KCNN1: variants seen among roughly 807,000 people sequenced by gnomAD.
KCNN1 encodes small conductance calcium-activated potassium channel protein 1.
KCNN1 carries 20 observed loss-of-function variants against 44.7 expected under a neutral mutation model. The ratio of observed to expected loss-of-function variants is 0.45; its 90% CI spans 0.32 to 0.65. The LOEUF (loss-of-function observed/expected upper bound fraction) is 0.65. Ranked by LOEUF, KCNN1 falls within the 30% of genes least tolerant of loss-of-function variation. KCNN1 has a pLI of 0.05. For missense variants in KCNN1, 632 were observed against 785.3 expected (o/e 0.80, Z 2.33); for synonymous variants, 324 against 341.7 (o/e 0.95, Z 0.57).
At chr19:17,985,694 C>T (rs564272854) in intron 5 of KCNN1, among the ~76,000 whole-genome samples, 1 of 152,308 alleles carries the variant, frequency 6.6e-6, no homozygotes, top group South Asian at 2.1e-4. Flanking sequence ...CCTAGATATG[C>T]AGCTCCCACC....
intron 5 of KCNN1, among the ~76,000 whole-genome samples, 173 bp downstream of exon 5, chr19:17,985,626 G>C (rs540798506): frequency 6.6e-6 from 1 of 152,094 alleles, no homozygotes; most frequent in South Asian, 2.1e-4. Context: ...TTCCTCTGAC[G>C]TCACGTGGAA....
chr19:17,988,627 A>G (rs2145962920), intron 6 of KCNN1, 102 bp downstream of exon 6: 1 of 845,900 alleles, frequency 1.2e-6, no homozygotes, highest in Non-Finnish European at 1.9e-6. Flanking sequence ...TCATGTGCCC[A>G]TGGGTTACCA....
chr19:17,994,842 C>A (rs1049337093), intron 9 of KCNN1, among the ~76,000 whole-genome samples: 1 of 152,106 alleles, frequency 6.6e-6, no homozygotes, highest in East Asian at 1.9e-4. Context: ...CCGTGCCCAG[C>A]CCATTTCCCA....
intron 2 of KCNN1, among the ~76,000 whole-genome samples, chr19:17,955,290 G>A (rs2031515149): frequency 6.6e-6 from 1 of 150,820 alleles, no homozygotes. Context: ...GCCAGACGTG[G>A]TGGCTTACGC....
chr19:17,963,335 TAG>T (rs199744356), upstream of KCNN1, among the ~76,000 whole-genome samples: 5,418 of 138,610 alleles, frequency 0.039, 354 homozygotes, highest in African/African-American at 0.14. Flanking sequence ...TTTTTTGAGA[TAG>T]AGTCTCACTC....
In KCNN1 at chr19:17,967,306, C is replaced by G. The variant is rs1240176010; in HGVS notation, c.-93C>G. ...TCCAGCCTTGTCCGCCCGCTCGGGC[C>G]GAGCCCCGCAGGTACAGGGTGGGAT... is the stretch of plus-strand genomic sequence containing the variant. On this transcript the variant is annotated 5_prime_UTR_variant, in exon 1 of 10. Coordinates refer to ENST00000684775, the MANE Select transcript of KCNN1 (RefSeq NM_001386974.1). 17 of 985,420 alleles carry G rather than the reference C, an allele frequency of 1.7e-5. No individual in the cohort carries two copies. Among genetic ancestry groups the G allele is most frequent in the South Asian group, 4.6e-5 (1 of 21,532 alleles). 61.0% of individuals were successfully genotyped at this position (985,420 alleles called of 1,614,324 possible). A position where few individuals can be genotyped will look rare whatever the true frequency, so the allele number is the denominator to read the frequency against.
chr19:17,979,979 A>G (rs539674339), intron 3 of KCNN1, among the ~76,000 whole-genome samples: 1 of 151,856 alleles, frequency 6.6e-6, no homozygotes, highest in South Asian at 2.1e-4. Flanking sequence ...AGGAGGGAGG[A>G]CTGCTGGAGC....
In KCNN1 at chr19:17,981,799, G is replaced by A. The variant is rs377230528; in HGVS notation, c.589G>A (p.Ala197Thr). Residue 197 changes from alanine to threonine, a missense_variant, in exon 4 of 10, where the codon GCC becomes ACC. By Grantham distance (58) the Ala-to-Thr change is moderately conservative. This residue lies in a region of KCNN1 where 160 missense variants were observed against 308.3 expected (regional missense o/e 0.52). Coordinates refer to ENST00000684775, the MANE Select transcript of KCNN1 (RefSeq NM_001386974.1). ...CATCTCGCTAGAGCTGGCAGTGTGCGCCATTCACCCGGTGCCCGGCCACTA... is the reference window on the plus strand; with the variant it reads ...CATCTCGCTAGAGCTGGCAGTGTGCACCATTCACCCGGTGCCCGGCCACTA... ...FLISLELAVC[A>T]IHPVPGHYRF... is the part of the protein sequence containing the mutation. 3 of 1,613,018 alleles carry A rather than the reference G, an allele frequency of 1.9e-6. No individual in the cohort carries two copies. The highest frequency in any genetic ancestry group is 2.5e-6 in the Non-Finnish European group (3 of 1,179,432).
At position 17,998,271 on chromosome 19, in the gene KCNN1, G is replaced by A. The variant is rs1417861717; in HGVS notation, c.1497G>A (p.Leu499=). The part of the protein sequence containing the change: ...LDALGASLQA[L]PGLIAQAIRP... ...CGCTGGGTGCCTCTCTACAGGCCCT[G>A]CCTGGCCTCATCGCCCAAGCCATAC... Residue 499 remains leucine, a synonymous_variant, in exon 10 of 10, where the codon CTG becomes CTA. Coordinates refer to ENST00000684775, the MANE Select transcript of KCNN1 (RefSeq NM_001386974.1). This position sits in a 1 kb window ranked among gnomAD's most constrained non-coding sequence, Gnocchi z 5.4. 7.1e-6 allele frequency: 11 copies of A among 1,557,892 alleles called. No homozygotes were observed. The highest frequency in any genetic ancestry group is 1.9e-5 in the Admixed American group (1 of 52,268).
chr19:17,963,926 G>A (rs1288728770), upstream of KCNN1, among the ~76,000 whole-genome samples: 1 of 152,004 alleles, frequency 6.6e-6, no homozygotes, highest in East Asian at 1.9e-4. Flanking sequence ...ACAGGGTCTC[G>A]CTATGTTGCC....
At chr19:17,996,054 A>G (rs2145979543) in intron 9 of KCNN1, among the ~76,000 whole-genome samples, 1 of 151,286 alleles carries the variant, frequency 6.6e-6, no homozygotes, top group Non-Finnish European at 1.5e-5. Flanking sequence ...ATCAGGCCAG[A>G]TGCAGTGGCT....
chr19:17,989,740 C>G lies in KCNN1; in HGVS notation c.1195C>G (p.Leu399Val). 1.2e-6 allele frequency: 2 copies of G among 1,613,936 alleles called. No homozygotes were observed. Among genetic ancestry groups the G allele is most frequent in the Non-Finnish European group, 1.7e-6 (2 of 1,179,876 alleles). Residue 399 changes from leucine to valine, a missense_variant, in exon 7 of 10, where the codon CTC becomes GTC. By Grantham distance (32) the Leu-to-Val change is conservative. This residue lies in a region of KCNN1 where 237 missense variants were observed against 253.0 expected (regional missense o/e 0.94). Transcript: ENST00000684775. ...KRVKNAAANV[L>V]RETWLIYKHT... Reference sequence around the variant, plus strand: ...GGTAAAAAACGCCGCTGCTAACGTTCTCAGGGAGACGTGGCTCATCTACAA... The same window carrying G: ...GGTAAAAAACGCCGCTGCTAACGTTGTCAGGGAGACGTGGCTCATCTACAA...
Position 17,998,674 on chromosome 19 carries a change from C to G in KCNN1, c.*268C>G. 1 of 415,050 alleles carries G rather than the reference C, an allele frequency of 2.4e-6. No individual in the cohort carries two copies. Among genetic ancestry groups the G allele is most frequent in the East Asian group, 3.7e-5 (1 of 26,826 alleles). The allele number at this position is 415,050 out of a possible 1,614,324, so 25.7% of individuals were successfully genotyped here. On this transcript the variant is annotated 3_prime_UTR_variant, in exon 10 of 10. Coordinates refer to ENST00000684775, the MANE Select transcript of KCNN1 (RefSeq NM_001386974.1). The surrounding 1 kb of genome is among the most constrained non-coding windows in gnomAD (Gnocchi z 5.4). Reference sequence around the variant, plus strand: ...GGCATGGAGCAGCCCGGGGAGGGGTCCGTGCTGGTTCTGAATAAAGCAGGA... The same window carrying G: ...GGCATGGAGCAGCCCGGGGAGGGGTGCGTGCTGGTTCTGAATAAAGCAGGA...
intron 1 of KCNN1, among the ~76,000 whole-genome samples, chr19:17,972,501 G>T (rs962457322): frequency 2.0e-5 from 3 of 152,174 alleles, no homozygotes; most frequent in Non-Finnish European, 1.5e-5. Context: ...CTGCAGAATC[G>T]ATTCTAGATC....
At chr19:17,997,504 C>T in intron 9 of KCNN1, among the ~76,000 whole-genome samples, 1 of 152,124 alleles carries the variant, frequency 6.6e-6, no homozygotes, top group East Asian at 1.9e-4. Context: ...GCTTGGCTTG[C>T]TTGCTTTCTT....
chr19:17,967,839 C>T (rs565460072), intron 1 of KCNN1, among the ~76,000 whole-genome samples: 1 of 151,954 alleles, frequency 6.6e-6, no homozygotes, highest in East Asian at 2.0e-4. Flanking sequence ...GGGGTCTGAG[C>T]GGTGAGGCTG....
chr19:17,961,844 C>T (rs1045757117), intron 2 of KCNN1, among the ~76,000 whole-genome samples: 3 of 152,174 alleles, frequency 2.0e-5, no homozygotes, highest in Admixed American at 2.0e-4. Flanking sequence ...CCGCCTCGGC[C>T]TCCCAAAGTG....
At chr19:17,992,044 G>C (rs527993107) in intron 7 of KCNN1, among the ~76,000 whole-genome samples, 21 of 152,294 alleles carry the variant, frequency 1.4e-4, no homozygotes, top group Non-Finnish European at 2.6e-4. Flanking sequence ...CAAAAGGCTG[G>C]GCGCGGTGGC....
At chr19:17,981,073 C>T (rs528385698) in intron 3 of KCNN1, among the ~76,000 whole-genome samples, 170 of 151,396 alleles carry the variant, frequency 1.1e-3, no homozygotes, top group Non-Finnish European at 1.7e-3. Flanking sequence ...AAAAATTAGC[C>T]AGGCATGGTG....
Sources: gnomAD v4.1 joint callset for allele counts (sites outside exome capture counted in the v4.1 genomes callset) on GRCh38, gnomAD v4.1.1 for gene constraint, gnomAD v4.1.1 regional missense constraint, Gnocchi (gnomAD v3.1) non-coding constraint, MANE v1.5 for transcripts, NCBI Gene and HGNC (gene_info 2026-07-23, HGNC 2026-07-21) for gene names.